GADL1: variants seen among roughly 807,000 people sequenced by gnomAD.
The protein encoded by GADL1 is GAD like acidic amino acid decarboxylase 1, also known as acidic amino acid decarboxylase GADL1.
In GADL1, 71 loss-of-function variants were observed where a neutral mutation model predicts 69.5. That is an observed-to-expected ratio of 1.02 (90% CI 0.84 to 1.25). The LOEUF is 1.25. Ranked by LOEUF, GADL1 falls within the 50% of genes most tolerant of loss-of-function variation. GADL1 has a pLI of 0.00. For synonymous variants in GADL1, 254 were observed against 214.4 expected (o/e 1.18, Z -1.62); for missense variants, 737 against 631.8 (o/e 1.17, Z -1.79).
intron 13 of GADL1, among the ~76,000 whole-genome samples, chr3:30,783,855 G>A (rs1220404700): frequency 1.3e-5 from 2 of 152,102 alleles, no homozygotes; most frequent in Non-Finnish European, 2.9e-5. Context: ...ATGGTAAGTG[G>A]TTTTTCTTTT....
intron 14 of GADL1, among the ~76,000 whole-genome samples, chr3:30,759,719 C>T (rs1466632976): frequency 6.6e-6 from 1 of 152,212 alleles, no homozygotes; most frequent in African/African-American, 2.4e-5. Context: ...CACTACTTCA[C>T]TTCCTTAGAA....
At chr3:30,886,326 TG>T (rs1374625924) in intron 1 of GADL1, among the ~76,000 whole-genome samples, 1 of 152,140 alleles carries the variant, frequency 6.6e-6, no homozygotes, top group Non-Finnish European at 1.5e-5. Flanking sequence ...AGAAGCAATA[TG>T]GAGCCATTTC....
At chr3:30,766,736 T>C (rs751154303) in intron 14 of GADL1, among the ~76,000 whole-genome samples, 1 of 151,802 alleles carries the variant, frequency 6.6e-6, no homozygotes, top group Non-Finnish European at 1.5e-5. Context: ...GGTGGCTCAG[T>C]CAGCTAGACT....
Position 30,804,228 on chromosome 3 carries a change from G to GT in GADL1, c.1051-3141dup, listed in dbSNP as rs1575213263. Among the ~76,000 whole-genome samples, 2 of 152,226 alleles carry GT rather than the reference G, an allele frequency of 1.3e-5. 1 individual carries two copies. ...CATCAGGAATATGTCCTTTCATCTT[G>GT]TTCTATTGTAGCCTATATTGGCCTC... On this transcript the variant is annotated intron_variant, in intron 11 of 14. Transcript: ENST00000282538.
At position 30,791,756 on chromosome 3, in the gene GADL1, C is replaced by G. The variant is rs559535447; in HGVS notation, c.1251-5350G>C. On this transcript the variant is annotated intron_variant, in intron 12 of 14. Coordinates refer to ENST00000282538, the MANE Select transcript of GADL1 (RefSeq NM_207359.3). The stretch of plus-strand genomic sequence containing the variant: ...CAAACGTCATCTTGAATTGTAGCTC[C>G]CATAATCCCCATGGGTCATGGGAGG... Among the ~76,000 whole-genome samples, 4 of 152,158 alleles carry G rather than the reference C, an allele frequency of 2.6e-5. No homozygotes were observed. The South Asian group carries it at 8.3e-4, about 32-fold the overall frequency.
chr3:30,738,717 G>A (rs1249093679), intron 14 of GADL1, among the ~76,000 whole-genome samples: 1 of 152,092 alleles, frequency 6.6e-6, no homozygotes, highest in East Asian at 1.9e-4. Flanking sequence ...ATTTCAGCAG[G>A]CATACGATGC....
chr3:30,791,059 T>A (rs1696902229), intron 12 of GADL1, among the ~76,000 whole-genome samples: 1 of 152,124 alleles, frequency 6.6e-6, no homozygotes. Flanking sequence ...ACGTCATAAA[T>A]TGTTTACCTG....
At chr3:30,848,275 A>G (rs1227794758) in intron 6 of GADL1, among the ~76,000 whole-genome samples, 2 of 152,174 alleles carry the variant, frequency 1.3e-5, no homozygotes, top group Non-Finnish European at 2.9e-5. Flanking sequence ...TAAGAATCTC[A>G]GGCTAGATGA....
chr3:30,755,080 C>T (rs1695936138), intron 14 of GADL1, among the ~76,000 whole-genome samples: 1 of 152,132 alleles, frequency 6.6e-6, no homozygotes, highest in Non-Finnish European at 1.5e-5. Flanking sequence ...TACCCAGGGA[C>T]AACGCAGTGC....
At position 30,818,351 on chromosome 3, in the gene GADL1, G is replaced by A. The variant is rs543427594; in HGVS notation, c.1050+15502C>T. Among the ~76,000 whole-genome samples, 16 of 152,188 alleles carry A rather than the reference G, an allele frequency of 1.1e-4. No homozygotes were observed. The East Asian group carries it at 3.1e-3, about 29-fold the overall frequency. The stretch of plus-strand genomic sequence containing the variant: ...TATATCACTTTGGATGTACAAAAAG[G>A]GAACTTTATTTTTCTTTAAAACATT... On this transcript the variant is annotated intron_variant, in intron 11 of 14. Coordinates refer to ENST00000282538, the MANE Select transcript of GADL1 (RefSeq NM_207359.3).
chr3:30,851,903 AC>A (rs1294424125), intron 4 of GADL1, among the ~76,000 whole-genome samples: 13 of 150,434 alleles, frequency 8.6e-5, no homozygotes, highest in Admixed American at 5.3e-4. Context: ...ATTCTTGGGA[AC>A]CCACATTGTA....
intron 11 of GADL1, among the ~76,000 whole-genome samples, chr3:30,823,782 A>G (rs994684188): frequency 2.6e-5 from 4 of 151,962 alleles, no homozygotes; most frequent in African/African-American, 7.2e-5. Context: ...AAAAACGCCA[A>G]TAACCTAGAG....
At chr3:30,839,783 C>A (rs551371358) in intron 8 of GADL1, among the ~76,000 whole-genome samples, 2 of 152,202 alleles carry the variant, frequency 1.3e-5, no homozygotes, top group East Asian at 3.9e-4. Context: ...CTGATGACTG[C>A]ATCTTGTGGC....
chr3:30,817,275 C>T (rs1454025030), intron 11 of GADL1, among the ~76,000 whole-genome samples: 1 of 152,188 alleles, frequency 6.6e-6, no homozygotes, highest in Non-Finnish European at 1.5e-5. Flanking sequence ...GAGTGTTAAA[C>T]TCCATGAGTT....
chr3:30,812,475 T>G (rs1260536547), intron 11 of GADL1, among the ~76,000 whole-genome samples: 1 of 152,058 alleles, frequency 6.6e-6, no homozygotes, highest in African/African-American at 2.4e-5. Flanking sequence ...GCAGGGAAAC[T>G]CCCCTTTCTA....
intron 6 of GADL1, among the ~76,000 whole-genome samples, chr3:30,846,800 C>T (rs562727244): frequency 6.6e-6 from 1 of 152,264 alleles, no homozygotes; most frequent in Non-Finnish European, 1.5e-5. Flanking sequence ...TGGAGAAGAC[C>T]TGCAATCACA....
intron 8 of GADL1, among the ~76,000 whole-genome samples, chr3:30,843,282 G>T (rs1455685226): frequency 6.7e-6 from 1 of 148,638 alleles, no homozygotes; most frequent in Middle Eastern, 3.5e-3. Flanking sequence ...TTGAGATGGA[G>T]TCTTACTCTG....
chr3:30,889,555 G>A (rs956608169), intron 1 of GADL1, among the ~76,000 whole-genome samples: 1 of 152,210 alleles, frequency 6.6e-6, no homozygotes, highest in Admixed American at 6.5e-5. Context: ...ATGACTTACA[G>A]CAAAGCAATG....
At chr3:30,752,531 G>A (rs1695849984) in intron 14 of GADL1, among the ~76,000 whole-genome samples, 1 of 152,180 alleles carries the variant, frequency 6.6e-6, no homozygotes. Flanking sequence ...GACACTGTTT[G>A]CTTCTTTAAA....
Sources: gnomAD v4.1 joint callset for allele counts (sites outside exome capture counted in the v4.1 genomes callset) on GRCh38, gnomAD v4.1.1 for gene constraint, MANE v1.5 for transcripts, NCBI Gene and HGNC (gene_info 2026-07-23, HGNC 2026-07-21) for gene names.